The following PIK3C2G variants were observed in gnomAD, a reference collection of about 807,000 sequenced individuals.
PIK3C2G encodes phosphatidylinositol-4-phosphate 3-kinase catalytic subunit type 2 gamma.
In PIK3C2G, 168 loss-of-function variants were observed where a neutral mutation model predicts 181.1. The observed-to-expected ratio is 0.93, with a 90% CI of 0.82 to 1.05. The LOEUF (loss-of-function observed/expected upper bound fraction) is 1.05. Among genes scored for constraint, PIK3C2G ranks in the 50% least tolerant of loss-of-function variants. The probability of loss-of-function intolerance (pLI) is 0.00; values close to 1 mark genes in which losing one functional copy is unlikely to be tolerated. For synonymous variants in PIK3C2G, 573 were observed against 592.2 expected (o/e 0.97, Z 0.47); for missense variants, 1,869 against 1,732.8 (o/e 1.08, Z -1.40).
In PIK3C2G at chr12:18,449,124, T is replaced by C. The variant is rs575426835; in HGVS notation, c.2504+25085T>C. Among the ~76,000 whole-genome samples, 11 of 152,214 alleles carry C rather than the reference T, an allele frequency of 7.2e-5. No homozygotes were observed. In the East Asian group the frequency reaches 2.1e-3, roughly 29 times the overall value. On this transcript the variant is annotated intron_variant, in intron 18 of 32. Coordinates refer to ENST00000538779, the MANE Select transcript of PIK3C2G (RefSeq NM_001288772.2). ...GCACCAACAGTGTATTGAGTCCTCTTGGTGCCATTGTTTAAAGTTAGTTTG... is the reference window on the plus strand; with the variant it reads ...GCACCAACAGTGTATTGAGTCCTCTCGGTGCCATTGTTTAAAGTTAGTTTG...
chr12:18,250,524 T>TA, intron 1 of PIK3C2G, among the ~76,000 whole-genome samples: 1 of 152,190 alleles, frequency 6.6e-6, no homozygotes, highest in East Asian at 1.9e-4. Flanking sequence ...GTAGAATAGT[T>TA]AAAAACGCAG....
At chr12:18,549,323 C>A (rs973135455) in intron 26 of PIK3C2G, among the ~76,000 whole-genome samples, 6 of 151,840 alleles carry the variant, frequency 4.0e-5, no homozygotes, top group African/African-American at 1.5e-4. Context: ...ATGAAACAAG[C>A]CCTATTTAAC....
the PIK3C2G span, among the ~76,000 whole-genome samples, chr12:18,711,059 A>G: frequency 6.6e-6 from 1 of 152,142 alleles, no homozygotes; most frequent in South Asian, 2.1e-4. Flanking sequence ...ACTATAAATC[A>G]TGCTGCTATA....
In PIK3C2G at chr12:18,475,373, A is replaced by AACACACACACACACAC. The variant is rs57853875; in HGVS notation, c.2505-13055_2505-13040dup. ...CTCTCTCAATCTCACCCACCACCCCAACACACACACACACACACACACACA... is the reference window on the plus strand; with the variant it reads ...CTCTCTCAATCTCACCCACCACCCCAACACACACACACACACACACACACACACACACACACACACA... On this transcript the variant is annotated intron_variant, in intron 18 of 32. Coordinates refer to ENST00000538779, the MANE Select transcript of PIK3C2G (RefSeq NM_001288772.2). 1.3e-3 allele frequency among the ~76,000 whole-genome samples: 182 copies of AACACACACACACACAC among 139,922 alleles called. 1 individual carries two copies. The highest frequency in any genetic ancestry group is 3.7e-3 in the Middle Eastern group (1 of 268). 91.8% of individuals were successfully genotyped at this position (139,922 alleles called of 152,430 possible).
intron 11 of PIK3C2G, among the ~76,000 whole-genome samples, chr12:18,352,965 G>C (rs537423464): frequency 6.6e-6 from 1 of 152,260 alleles, no homozygotes; most frequent in South Asian, 2.1e-4. Context: ...GGGTTTTTCT[G>C]GGTATAGGAT....
downstream of PIK3C2G, among the ~76,000 whole-genome samples, chr12:18,651,296 G>A (rs562747110): frequency 4.0e-5 from 6 of 151,896 alleles, no homozygotes; most frequent in Non-Finnish European, 7.4e-5. Flanking sequence ...AGATGTCTCC[G>A]TCTCTGCCCT....
chr12:18,332,053 A>G (rs1283568743), intron 8 of PIK3C2G, among the ~76,000 whole-genome samples: 1 of 152,128 alleles, frequency 6.6e-6, no homozygotes, highest in African/African-American at 2.4e-5. Context: ...TTTGTTAAGG[A>G]TATTTGCATC....
At chr12:18,334,742 A>G (rs1938358243) in intron 8 of PIK3C2G, among the ~76,000 whole-genome samples, 1 of 151,982 alleles carries the variant, frequency 6.6e-6, no homozygotes, top group African/African-American at 2.4e-5. Context: ...TAGGGTGCTC[A>G]CCCTGCTGCA....
intron 30 of PIK3C2G, among the ~76,000 whole-genome samples, chr12:18,601,979 G>T (rs1034512810): frequency 1.4e-4 from 22 of 152,096 alleles, no homozygotes; most frequent in African/African-American, 5.1e-4. Flanking sequence ...AACTGCACAG[G>T]GAGAAAGAAT....
chr12:18,653,168 A>G (rs138216416), downstream of PIK3C2G, among the ~76,000 whole-genome samples: 327 of 152,268 alleles, frequency 2.1e-3, 2 homozygotes, highest in African/African-American at 7.6e-3. Context: ...TGGTTGCAGT[A>G]GCAGAGACCC....
At chr12:18,432,646 G>C (rs11044108) in intron 18 of PIK3C2G, among the ~76,000 whole-genome samples, 3 of 152,000 alleles carry the variant, frequency 2.0e-5, no homozygotes, top group Admixed American at 6.5e-5. Flanking sequence ...ATTCTGTTTA[G>C]AAATTATTCT....
At chr12:18,306,803 A>G (rs1245091984) in intron 5 of PIK3C2G, among the ~76,000 whole-genome samples, 1 of 151,998 alleles carries the variant, frequency 6.6e-6, no homozygotes, top group Non-Finnish European at 1.5e-5. Context: ...TTTCTTAAAG[A>G]AATACCTTCA....
At chr12:18,283,136 T>C (rs2137130421) in intron 2 of PIK3C2G, among the ~76,000 whole-genome samples, 1 of 152,272 alleles carries the variant, frequency 6.6e-6, no homozygotes, top group East Asian at 1.9e-4. Flanking sequence ...TTACATTATA[T>C]TTTGAGTCAC....
At chr12:18,433,317 AG>A in intron 18 of PIK3C2G, among the ~76,000 whole-genome samples, 1 of 152,220 alleles carries the variant, frequency 6.6e-6, no homozygotes, top group South Asian at 2.1e-4. Context: ...GTTTCAGACC[AG>A]CCTGCCCAAC....
At chr12:18,659,250 A>C in the PIK3C2G span, among the ~76,000 whole-genome samples, 1 of 152,198 alleles carries the variant, frequency 6.6e-6, no homozygotes, top group Admixed American at 6.5e-5. Flanking sequence ...CATCTTATTT[A>C]ATCTCATAAC....
chr12:18,302,927 C>T (rs952251756), intron 5 of PIK3C2G, among the ~76,000 whole-genome samples: 1 of 151,824 alleles, frequency 6.6e-6, no homozygotes, highest in African/African-American at 2.4e-5. Context: ...GGGTGGCAGA[C>T]GAGGCAGGGT....
intron 18 of PIK3C2G, among the ~76,000 whole-genome samples, chr12:18,476,172 A>C (rs1470342355): frequency 6.6e-6 from 1 of 152,204 alleles, no homozygotes; most frequent in Non-Finnish European, 1.5e-5. Flanking sequence ...CCAAGCCTGA[A>C]ATCCAAGGAA....
chr12:18,569,837 T>G lies in PIK3C2G; in HGVS notation c.4011+2780T>G, dbSNP rs114416313. The stretch of plus-strand genomic sequence containing the variant: ...CTGTTGCTATTGAGCTTGAACACTT[T>G]TTGATATGTTTTTTGGTCATTCGGA... On this transcript the variant is annotated intron_variant, in intron 29 of 32. Coordinates refer to ENST00000538779, the MANE Select transcript of PIK3C2G (RefSeq NM_001288772.2). 5.6e-3 allele frequency among the ~76,000 whole-genome samples: 853 copies of G among 152,298 alleles called. 5 individuals carry two copies. The highest frequency in any genetic ancestry group is 0.02 in the African/African-American group (813 of 41,552).
intron 18 of PIK3C2G, among the ~76,000 whole-genome samples, chr12:18,443,677 T>G (rs1168616070): frequency 6.6e-6 from 1 of 152,170 alleles, no homozygotes; most frequent in Non-Finnish European, 1.5e-5. Flanking sequence ...AGAAAATTCT[T>G]TCACGGAAAA....
Sources: gnomAD v4.1 joint callset for allele counts (sites outside exome capture counted in the v4.1 genomes callset) on GRCh38, gnomAD v4.1.1 for gene constraint, MANE v1.5 for transcripts, NCBI Gene and HGNC (gene_info 2026-07-23, HGNC 2026-07-21) for gene names.